OSCP1: variants seen among roughly 807,000 people sequenced by gnomAD.
OSCP1 encodes the protein organic solute carrier partner 1, also known as protein OSCP1.
Under a neutral mutation model 45.1 loss-of-function variants are expected in OSCP1, and 35 were observed. The ratio of observed to expected loss-of-function variants is 0.78; its 90% CI spans 0.59 to 1.03. The LOEUF is 1.03. Ranked by LOEUF, OSCP1 falls within the 50% of genes least tolerant of loss-of-function variation. The pLI is 0.00. For missense variants in OSCP1, 400 were observed against 470.7 expected, an observed-to-expected ratio of 0.85 and a Z score of 1.39; for synonymous variants, 179 against 180.1, an observed-to-expected ratio of 0.99 and a Z score of 0.05.
At chr1:36,449,785 C>T (rs11579836) in intron 1 of OSCP1, among the ~76,000 whole-genome samples, 41,851 of 134,422 alleles carry the variant, frequency 0.31, 6,458 homozygotes, top group Admixed American at 0.43. Flanking sequence ...TGCAGTGAGC[C>T]GAGATCGTGC....
At chr1:36,431,761 C>T (rs1262235966) in intron 4 of OSCP1, 41 bp downstream of exon 4, 5 of 1,594,138 alleles carry the variant, frequency 3.1e-6, no homozygotes, top group African/African-American at 1.3e-5. Context: ...TTCCCTGGTA[C>T]AGCAGCTCCT....
Position 36,450,262 on chromosome 1 carries a change from G to C in OSCP1, c.108C>G (p.Arg36=). The C allele has an allele frequency of 1.2e-6, 2 of 1,612,668 alleles. No homozygotes were observed. Among genetic ancestry groups the C allele is most frequent in the Non-Finnish European group, 1.7e-6 (2 of 1,179,202 alleles). The change falls in exon 1 of 10, where the codon CGC becomes CGG. Residue 36 remains arginine, a synonymous_variant. Coordinates refer to ENST00000235532, the MANE Select transcript of OSCP1 (RefSeq NM_145047.5). ...RAQNIPGDKA[R]KVLNDIISTM... ...AGCGGGCCGGGGGCCTCTCACCTTTGCGGGCCTTGTCTCCCGGGATGTTCT... is the reference window on the plus strand; with the variant it reads ...AGCGGGCCGGGGGCCTCTCACCTTTCCGGGCCTTGTCTCCCGGGATGTTCT...
At chr1:36,427,210 C>A (rs1472433555) in intron 4 of OSCP1, among the ~76,000 whole-genome samples, 2 of 151,498 alleles carry the variant, frequency 1.3e-5, no homozygotes, top group East Asian at 3.9e-4. Flanking sequence ...CCATCTTGGC[C>A]AGGCTGGTCT....
chr1:36,437,375 A>C (rs1648815636), intron 2 of OSCP1, among the ~76,000 whole-genome samples: 1 of 152,136 alleles, frequency 6.6e-6, no homozygotes, highest in South Asian at 2.1e-4. Context: ...CCAAAGAAAT[A>C]GATATGTTCA....
chr1:36,446,640 T>C (rs1455388838), intron 1 of OSCP1, among the ~76,000 whole-genome samples: 1 of 152,238 alleles, frequency 6.6e-6, no homozygotes, highest in Non-Finnish European at 1.5e-5. Flanking sequence ...ACTTTAGTTC[T>C]GTTTTGAGTG....
chr1:36,421,915 CTTAA>C, intron 7 of OSCP1: 1 of 572,718 alleles, frequency 1.7e-6, no homozygotes, highest in South Asian at 2.1e-5. Context: ...TGTGGTTCCT[CTTAA>C]TTATGGTGGC....
At chr1:36,435,362 G>T (rs993131744) in intron 2 of OSCP1, among the ~76,000 whole-genome samples, 1 of 151,860 alleles carries the variant, frequency 6.6e-6, no homozygotes, top group Admixed American at 6.6e-5. Flanking sequence ...GCCCAGGCTG[G>T]TGTTGAACTC....
intron 2 of OSCP1, among the ~76,000 whole-genome samples, chr1:36,437,977 C>T (rs1300904164): frequency 6.6e-6 from 1 of 152,116 alleles, no homozygotes; most frequent in African/African-American, 2.4e-5. Flanking sequence ...GAGTTCCAGA[C>T]CAGCCTCGGC....
At chr1:36,448,913 T>C (rs1557573283) in intron 1 of OSCP1, among the ~76,000 whole-genome samples, 1 of 152,218 alleles carries the variant, frequency 6.6e-6, no homozygotes, top group East Asian at 1.9e-4. Context: ...CAAAGGGTTT[T>C]AGGCAGGGGC....
intron 8 of OSCP1, among the ~76,000 whole-genome samples, chr1:36,419,977 CTTTTT>C (rs56851568): frequency 7.3e-6 from 1 of 136,250 alleles, no homozygotes; most frequent in Non-Finnish European, 1.6e-5. Flanking sequence ...CACACCGTCT[CTTTTT>C]TTTTTTTTTT....
intron 1 of OSCP1, among the ~76,000 whole-genome samples, chr1:36,443,302 G>C (rs1251954851): frequency 6.6e-6 from 1 of 152,116 alleles, no homozygotes; most frequent in African/African-American, 2.4e-5. Context: ...AGCATACTTG[G>C]TGTGGTGAGA....
intron 6 of OSCP1, 121 bp downstream of exon 6, chr1:36,422,647 G>A: frequency 2.8e-6 from 3 of 1,054,622 alleles, no homozygotes; most frequent in Non-Finnish European, 2.7e-6. Flanking sequence ...TACCTAAGGG[G>A]AAATTACTCC....
At chr1:36,418,970 T>C (rs1451456764) in intron 9 of OSCP1, 21 bp downstream of exon 9, 2 of 1,560,968 alleles carry the variant, frequency 1.3e-6, no homozygotes, top group Non-Finnish European at 8.8e-7. Context: ...GATTGGACCC[T>C]GTGTTATCCC....
Position 36,420,516 on chromosome 1 carries a change from C to T in OSCP1, c.919G>A (p.Gly307Arg), listed in dbSNP as rs2275477. 0.22 allele frequency: 358,750 copies of T among 1,613,470 alleles called. 41,263 individuals are homozygous for T. The highest frequency in any genetic ancestry group is 0.32 in the African/African-American group (23,893 of 74,844). The change falls in exon 8 of 10, where the codon GGA becomes AGA. Residue 307 changes from glycine (G) to arginine (R), a missense_variant. Gly to Arg is a moderately radical substitution (Grantham distance 125, BLOSUM62 -2). Transcript: ENST00000235532. Reference sequence around the variant, plus strand: ...GTGGTAAAGAGATTCAACCGGAATCCGGGCTCAGGGCCACTGGGTTTCTTA... The same window carrying T: ...GTGGTAAAGAGATTCAACCGGAATCTGGGCTCAGGGCCACTGGGTTTCTTA... ...EIKKPSGPEP[G>R]FRLNLFTTDE... is the part of the protein sequence containing the mutation.
At chr1:36,428,983 C>G (rs1394704530) in intron 4 of OSCP1, among the ~76,000 whole-genome samples, 1 of 152,126 alleles carries the variant, frequency 6.6e-6, no homozygotes, top group African/African-American at 2.4e-5. Flanking sequence ...CTATGTTGCC[C>G]AGGATGGTCT....
intron 1 of OSCP1, among the ~76,000 whole-genome samples, chr1:36,441,993 C>A (rs1649212345): frequency 6.6e-6 from 1 of 151,840 alleles, no homozygotes; most frequent in South Asian, 2.1e-4. Flanking sequence ...TTTGGGAGGC[C>A]GAGGTGGGTG....
At chr1:36,418,677 G>T in intron 9 of OSCP1, 1 of 345,992 alleles carries the variant, frequency 2.9e-6, no homozygotes, top group South Asian at 4.9e-5. Context: ...AGCACTTTGG[G>T]AGGCCAAGGC....
At chr1:36,441,737 C>T (rs1202568090) in intron 1 of OSCP1, among the ~76,000 whole-genome samples, 6 of 112,398 alleles carry the variant, frequency 5.3e-5, no homozygotes, top group Admixed American at 1.4e-4. Flanking sequence ...GGTAACAGAG[C>T]GAGACTCCAG....
intron 8 of OSCP1, among the ~76,000 whole-genome samples, chr1:36,420,147 T>C (rs1231274781): frequency 6.6e-6 from 1 of 151,434 alleles, no homozygotes; most frequent in Non-Finnish European, 1.5e-5. Flanking sequence ...AGCTAATTTT[T>C]TTTTTTTTTT....
Sources: gnomAD v4.1 joint callset for allele counts (sites outside exome capture counted in the v4.1 genomes callset) on GRCh38, gnomAD v4.1.1 for gene constraint, MANE v1.5 for transcripts, NCBI Gene and HGNC (gene_info 2026-07-23, HGNC 2026-07-21) for gene names.